Variants in EDN1 observed in about 807,000 individuals in gnomAD.
The protein encoded by EDN1 is endothelin-1.
Under a neutral mutation model 21.7 loss-of-function variants are expected in EDN1, and 11 were observed. The observed-to-expected ratio is 0.51, with a 90% CI of 0.32 to 0.84. The LOEUF (loss-of-function observed/expected upper bound fraction) is 0.84. Ranked by LOEUF, EDN1 falls within the 40% of genes least tolerant of loss-of-function variation. The probability of loss-of-function intolerance (pLI) is 0.03; values close to 1 mark genes in which losing one functional copy is unlikely to be tolerated. For synonymous variants in EDN1, 85 were observed against 90.6 expected (o/e 0.94, Z 0.35); for missense variants, 244 against 262.3 (o/e 0.93, Z 0.48).
the EDN1 span, among the ~76,000 whole-genome samples, chr6:12,266,906 C>A: frequency 3.3e-5 from 5 of 152,064 alleles, no homozygotes; most frequent in African/African-American, 1.2e-4. Context: ...CTTAAAAATT[C>A]TTTTTTGTTA....
At chr6:12,282,506 T>C in the EDN1 span, among the ~76,000 whole-genome samples, 8 of 152,226 alleles carry the variant, frequency 5.3e-5, no homozygotes, top group Admixed American at 2.6e-4. Flanking sequence ...TCATGCTTCA[T>C]TGCTTTTCTC....
chr6:12,274,948 T>A, the EDN1 span, among the ~76,000 whole-genome samples: 4 of 142,624 alleles, frequency 2.8e-5, no homozygotes, highest in Non-Finnish European at 4.4e-5. Flanking sequence ...TCTCCTTCCT[T>A]CCTTCCTTCC....
the EDN1 span, among the ~76,000 whole-genome samples, chr6:12,252,424 G>T: frequency 6.6e-6 from 1 of 152,146 alleles, no homozygotes; most frequent in Non-Finnish European, 1.5e-5. Context: ...AAAAATTTAG[G>T]TTCCATTTCT....
the EDN1 span, among the ~76,000 whole-genome samples, chr6:12,231,565 G>A: frequency 6.6e-6 from 1 of 152,164 alleles, no homozygotes; most frequent in East Asian, 1.9e-4. Context: ...CTGAACAGAA[G>A]CAAAATGGAA....
At chr6:12,245,961 G>C in the EDN1 span, among the ~76,000 whole-genome samples, 1 of 152,100 alleles carries the variant, frequency 6.6e-6, no homozygotes, top group Non-Finnish European at 1.5e-5. Flanking sequence ...TCTGTGTGTC[G>C]TCAGTGAGTA....
chr6:12,283,895 AT>A, the EDN1 span, among the ~76,000 whole-genome samples: 1 of 152,090 alleles, frequency 6.6e-6, no homozygotes, highest in South Asian at 2.1e-4. Flanking sequence ...ACCTTTGAAA[AT>A]CTTTCCTGCT....
chr6:12,271,744 G>C, the EDN1 span, among the ~76,000 whole-genome samples: 1 of 152,114 alleles, frequency 6.6e-6, no homozygotes, highest in Non-Finnish European at 1.5e-5. Context: ...AACATTTTTT[G>C]TAAGGCTGGT....
the EDN1 span, among the ~76,000 whole-genome samples, chr6:12,240,681 C>A: frequency 6.6e-6 from 1 of 152,080 alleles, no homozygotes; most frequent in Non-Finnish European, 1.5e-5. Flanking sequence ...GGGTTGAGTA[C>A]ATTTCAAACA....
upstream of EDN1, among the ~76,000 whole-genome samples, chr6:12,285,963 T>C (rs1433390244): frequency 4.6e-5 from 7 of 152,214 alleles, no homozygotes; most frequent in Non-Finnish European, 1.0e-4. Context: ...CCAACCATGA[T>C]TTCATATGGA....
chr6:12,260,727 A>G, the EDN1 span, among the ~76,000 whole-genome samples: 1 of 151,920 alleles, frequency 6.6e-6, no homozygotes, highest in Non-Finnish European at 1.5e-5. Context: ...TTATTTTTTT[A>G]TAGCACTAAT....
chr6:12,255,274 G>A, the EDN1 span, among the ~76,000 whole-genome samples: 1 of 152,100 alleles, frequency 6.6e-6, no homozygotes, highest in East Asian at 1.9e-4. Flanking sequence ...TCCAAGTAGG[G>A]TTATTCCTGG....
chr6:12,287,538 G>GC (rs2113789236), upstream of EDN1, among the ~76,000 whole-genome samples: 1 of 152,166 alleles, frequency 6.6e-6, no homozygotes, highest in Non-Finnish European at 1.5e-5. Flanking sequence ...GCTTCCCTCT[G>GC]CCCCTACAGG....
the EDN1 span, among the ~76,000 whole-genome samples, chr6:12,266,951 G>A: frequency 1.3e-5 from 2 of 152,268 alleles, no homozygotes; most frequent in South Asian, 2.1e-4. Context: ...GAATCACCTG[G>A]ATGATTTGCA....
chr6:12,231,347 GA>G, the EDN1 span, among the ~76,000 whole-genome samples: 2 of 152,130 alleles, frequency 1.3e-5, no homozygotes, highest in African/African-American at 4.8e-5. Flanking sequence ...TGCTTAACAG[GA>G]AAAGATAAAA....
chr6:12,281,116 C>T, the EDN1 span, among the ~76,000 whole-genome samples: 5 of 152,108 alleles, frequency 3.3e-5, no homozygotes, highest in East Asian at 1.9e-4. Flanking sequence ...GTCTACATTC[C>T]GACTGCCTGA....
At chr6:12,286,001 A>G (rs1021135695), upstream of EDN1, among the ~76,000 whole-genome samples, 12 of 152,318 alleles carry the variant, frequency 7.9e-5, no homozygotes, top group African/African-American at 2.9e-4. Context: ...CCATAATTTC[A>G]TGTACATTAT....
the EDN1 span, among the ~76,000 whole-genome samples, chr6:12,271,680 A>G: frequency 5.1e-3 from 770 of 152,340 alleles, 8 homozygotes; most frequent in African/African-American, 0.018. Flanking sequence ...AGACTTTCAT[A>G]TGTTTTATGA....
the EDN1 span, among the ~76,000 whole-genome samples, chr6:12,256,217 G>A: frequency 6.6e-6 from 1 of 152,146 alleles, no homozygotes; most frequent in African/African-American, 2.4e-5. Context: ...GCCAGACATG[G>A]TGGTGCACGT....
At chr6:12,239,827 T>C in the EDN1 span, among the ~76,000 whole-genome samples, 4 of 152,116 alleles carry the variant, frequency 2.6e-5, no homozygotes, top group Non-Finnish European at 5.9e-5. Context: ...GAGAATCACT[T>C]GAGCCCAGAA....
Sources: allele counts gnomAD v4.1 joint callset (sites outside exome capture counted in the v4.1 genomes callset), GRCh38; gene constraint gnomAD v4.1.1; transcripts MANE v1.5; gene names NCBI Gene and HGNC (gene_info 2026-07-23, HGNC 2026-07-21).